The following NHLH2 variants were observed in gnomAD, a reference collection of about 807,000 sequenced individuals.
The protein encoded by NHLH2 is helix-loop-helix protein 2.
NHLH2 carries 7 observed loss-of-function variants against 7.3 expected under a neutral mutation model. That is an observed-to-expected ratio of 0.96 (90% confidence interval 0.55 to 1.81). The LOEUF (loss-of-function observed/expected upper bound fraction) is 1.81. NHLH2 is among the 40% of genes most tolerant of loss of function. The probability of loss-of-function intolerance (pLI) is 0.00; values close to 1 mark genes in which losing one functional copy is unlikely to be tolerated. For missense variants in NHLH2, 155 were observed against 194.0 expected, an observed-to-expected ratio of 0.80 and a Z score of 1.19; for synonymous variants, 93 against 91.6, an observed-to-expected ratio of 1.01 and a Z score of -0.09.
At chr1:115,839,852 C>A (rs927293901) in intron 2 of NHLH2, 2 of 167,106 alleles carry the variant, frequency 1.2e-5, no homozygotes, top group African/African-American at 2.4e-5. Context: ...GCGAGGAAAT[C>A]AGGTCCTCTA....
chr1:115,835,345 G>GAA (rs1368613137), downstream of NHLH2, among the ~76,000 whole-genome samples: 2 of 152,172 alleles, frequency 1.3e-5, no homozygotes, highest in African/African-American at 4.8e-5. Flanking sequence ...TAAGAACTAG[G>GAA]AGTGGTTATC....
chr1:115,840,029 GT>G (rs1651024760), intron 2 of NHLH2, 186 bp downstream of exon 2: 1 of 166,988 alleles, frequency 6.0e-6, no homozygotes, highest in Non-Finnish European at 1.5e-5. Flanking sequence ...AATAGTTGTA[GT>G]TCTGGTAAAA....
downstream of NHLH2, among the ~76,000 whole-genome samples, chr1:115,835,236 A>T (rs1650840059): frequency 6.6e-6 from 1 of 152,210 alleles, no homozygotes; most frequent in African/African-American, 2.4e-5. Flanking sequence ...AAACTGGGAA[A>T]GACAGGCACT....
downstream of NHLH2, among the ~76,000 whole-genome samples, chr1:115,833,712 T>C (rs1450547916): frequency 2.0e-5 from 3 of 152,206 alleles, no homozygotes; most frequent in African/African-American, 7.2e-5. Flanking sequence ...CAAAGCACTT[T>C]AGTAAGCATG....
At chr1:115,833,014 A>G (rs540187352), downstream of NHLH2, among the ~76,000 whole-genome samples, 1 of 152,322 alleles carries the variant, frequency 6.6e-6, no homozygotes, top group Admixed American at 6.5e-5. Context: ...GGCACTAGTG[A>G]GGGTCTGGAA....
In NHLH2 at chr1:115,838,179, C is replaced by A. The variant is rs372688621; in HGVS notation, c.194G>T (p.Arg65Leu). The A allele has an allele frequency of 1.9e-6, 3 of 1,576,054 alleles. No individual in the cohort carries two copies. The highest frequency in any genetic ancestry group is 2.6e-6 in the Non-Finnish European group (3 of 1,162,438). ...GCGCCGGCGGCGGCGCTTCTCCTCG[C>A]GGCTCAGCTGCTGCGGGTGCGGGTA... ...ALYPHPQQLS[R>L]EEKRRRRRAT... is the part of the protein sequence containing the mutation. The change falls in exon 3 of 3, where the codon CGC becomes CTC. Residue 65 changes from arginine (R) to leucine (L), a missense_variant. Physicochemically the swap from Arg to Leu is moderately radical, Grantham distance 102 (BLOSUM62 -2). This residue lies in a region of NHLH2 where 64 missense variants were observed against 107.4 expected (regional missense o/e 0.60). Transcript: ENST00000320238.
chr1:115,832,657 C>T (rs1469023535), downstream of NHLH2, among the ~76,000 whole-genome samples: 1 of 152,108 alleles, frequency 6.6e-6, no homozygotes, highest in Non-Finnish European at 1.5e-5. Context: ...GAGCCAGGGC[C>T]CGAACTTGGC....
At chr1:115,832,244 G>C (rs555990772), downstream of NHLH2, among the ~76,000 whole-genome samples, 2 of 152,312 alleles carry the variant, frequency 1.3e-5, no homozygotes, top group South Asian at 4.1e-4. Flanking sequence ...CTACAGGTGT[G>C]CATGTGTGGT....
At chr1:115,839,175 G>A (rs916032949) in intron 2 of NHLH2, 4 of 167,276 alleles carry the variant, frequency 2.4e-5, no homozygotes, top group Non-Finnish European at 5.9e-5. Context: ...GGCGACGTGG[G>A]ATCAGACAAT....
chr1:115,840,712 C>A lies in NHLH2; in HGVS notation c.-337-168G>T, dbSNP rs4839047. On this transcript the variant is annotated intron_variant, in intron 1 of 2. Coordinates refer to ENST00000320238, the MANE Select transcript of NHLH2 (RefSeq NM_005599.3). Reference sequence around the variant, plus strand: ...ACGGCTGAGCAGAAACTGGGAAGTGCAGGACAGAGATGTGATCTTGCTCAG... The same window carrying A: ...ACGGCTGAGCAGAAACTGGGAAGTGAAGGACAGAGATGTGATCTTGCTCAG... 32,181 of 163,706 alleles carry A rather than the reference C, an allele frequency of 0.2. 3,670 individuals carry two copies. The highest frequency in any genetic ancestry group is 0.36 in the East Asian group (1,868 of 5,138). 10.1% of individuals were successfully genotyped at this position (163,706 alleles called of 1,614,324 possible). A position where few individuals can be genotyped will look rare whatever the true frequency, so the allele number is the denominator to read the frequency against.
Position 115,837,954 on chromosome 1 carries a change from C to T in NHLH2, c.*11G>A, listed in dbSNP as rs1241295489. The T allele has an allele frequency of 6.3e-7, 1 of 1,587,632 alleles. No individual in the cohort carries two copies. Among genetic ancestry groups the T allele is most frequent in the Non-Finnish European group, 8.5e-7 (1 of 1,169,622 alleles). On this transcript the variant is annotated 3_prime_UTR_variant, in exon 3 of 3. Transcript: ENST00000320238. ...CGCCGGGACAGGCGGCCCCCCGCGG[C>T]GCACCCCGCCCTACACGTCCAGGAC...
At chr1:115,840,801 G>A (rs138345330) in intron 1 of NHLH2, 147 bp downstream of exon 1, 24 of 161,284 alleles carry the variant, frequency 1.5e-4, no homozygotes, top group African/African-American at 5.0e-4. Flanking sequence ...CAGTTCCCAG[G>A]AACACAATAC....
downstream of NHLH2, among the ~76,000 whole-genome samples, chr1:115,835,142 C>G (rs1157600463): frequency 3.3e-5 from 5 of 152,098 alleles, no homozygotes; most frequent in African/African-American, 7.2e-5. Context: ...ATCCCAAGGG[C>G]CTTTTGTCTA....
rs776066677 is a variant in NHLH2 at position 115,838,266 on chromosome 1, G to T, written c.107C>A (p.Ser36Ter). Residue 36 changes from serine (S) to a stop codon, truncating the protein, a stop_gained, in exon 3 of 3, where the codon TCG becomes TAG. Transcript: ENST00000320238. LOFTEE classifies it high-confidence loss of function. Reference sequence around the variant, plus strand: ...GGCCTCCTCCACCGGCTCCAGGTCCGACACGCTGCCGAGCACCTTGGTGTC... The same window carrying T: ...GGCCTCCTCCACCGGCTCCAGGTCCTACACGCTGCCGAGCACCTTGGTGTC... ...GTDTKVLGSVSDLEPVEEAEG... is the reference protein window; with the variant it reads ...GTDTKVLGSV 6.3e-7 allele frequency: 1 copy of T among 1,596,832 alleles called. No homozygotes were observed. The highest frequency in any genetic ancestry group is 1.3e-5 in the African/African-American group (1 of 74,390).
rs2101205654 is a variant in NHLH2, at chr1:115,840,554, A to G, written c.-337-10T>C. 1 of 167,198 alleles carries G rather than the reference A, an allele frequency of 6.0e-6. No individual in the cohort carries two copies. The highest frequency in any genetic ancestry group is 1.9e-4 in the East Asian group (1 of 5,198). 10.4% of individuals were successfully genotyped at this position (167,198 alleles called of 1,614,324 possible). ...TTCCTCTTCTAGGTCTCTAAAAATA[A>G]CAAAAGAGATGCAGAGATAAACACA... is the stretch of plus-strand genomic sequence containing the variant. On this transcript the variant is annotated splice_polypyrimidine_tract_variant and intron_variant, in intron 1 of 2. Transcript: ENST00000320238.
chr1:115,833,697 G>A (rs1023910403), downstream of NHLH2, among the ~76,000 whole-genome samples: 10 of 152,204 alleles, frequency 6.6e-5, no homozygotes, highest in African/African-American at 2.4e-4. Flanking sequence ...AGGAGATAAT[G>A]CATGCAAAGC....
In NHLH2 at chr1:115,836,986, T is replaced by C. The variant is rs1650887591; in HGVS notation, c.*979A>G. ...AGCAGAAAGAAAGACCACAGTATAA[T>C]CTCAACAAACACGTAAAAAGTTAGA... On this transcript the variant is annotated 3_prime_UTR_variant, in exon 3 of 3. Coordinates refer to ENST00000320238, the MANE Select transcript of NHLH2 (RefSeq NM_005599.3). The C allele has an allele frequency of 6.6e-6, 1 of 152,288 alleles. No homozygotes were observed. The highest frequency in any genetic ancestry group is 1.5e-5 in the Non-Finnish European group (1 of 68,006). The allele number at this position is 152,288 out of a possible 1,614,324, so 9.4% of individuals were successfully genotyped here.
rs1037660617 is a variant in NHLH2, at chr1:115,836,941, T to C, written c.*1024A>G. 2.6e-5 allele frequency: 4 copies of C among 152,336 alleles called. No individual in the cohort carries two copies. The highest frequency in any genetic ancestry group is 1.9e-4 in the East Asian group (1 of 5,198). 9.4% of individuals were successfully genotyped at this position (152,336 alleles called of 1,614,324 possible). On this transcript the variant is annotated 3_prime_UTR_variant, in exon 3 of 3. Transcript: ENST00000320238. ...ACAGGGAGAAGTGGGAAATTTGTTA[T>C]ACAAGTGCAATATAATTAGAGCAGA...
In NHLH2 at chr1:115,838,107, C is replaced by A. The variant is rs1650931436; in HGVS notation, c.266G>T (p.Arg89Leu). 2 of 1,606,210 alleles carry A rather than the reference C, an allele frequency of 1.2e-6. No individual in the cohort carries two copies. The highest frequency in any genetic ancestry group is 1.7e-6 in the Non-Finnish European group (2 of 1,177,156). The change falls in exon 3 of 3, where the codon CGC (arginine) becomes CTC (leucine). Residue 89 changes from arginine (R) to leucine (L), a missense_variant. Arg to Leu is a moderately radical substitution (Grantham distance 102). This residue lies in a region of NHLH2 where 64 missense variants were observed against 107.4 expected (regional missense o/e 0.60). Transcript: ENST00000320238. Reference protein sequence around the residue: ...RSAHATRERIRVEAFNLAFAE... With the variant: ...RSAHATRERILVEAFNLAFAE... ...GAAGGCCAAGTTGAAGGCTTCCACG[C>A]GGATGCGCTCGCGGGTGGCGTGGGC...
Sources: gnomAD v4.1 joint callset for allele counts (sites outside exome capture counted in the v4.1 genomes callset) on GRCh38, gnomAD v4.1.1 for gene constraint, gnomAD v4.1.1 regional missense constraint, MANE v1.5 for transcripts, NCBI Gene and HGNC (gene_info 2026-07-23, HGNC 2026-07-21) for gene names.